OR1L8: variants seen among roughly 807,000 people sequenced by gnomAD.
The protein encoded by OR1L8 is olfactory receptor 1L8.
For synonymous variants in OR1L8, 148 were observed against 147.0 expected, an observed-to-expected ratio of 1.01 and a Z score of -0.05; for missense variants, 330 against 377.4, an observed-to-expected ratio of 0.87 and a Z score of 1.04.
the OR1L8 span, among the ~76,000 whole-genome samples, chr9:122,550,473 G>T: frequency 1.3e-5 from 2 of 151,810 alleles, no homozygotes; most frequent in Non-Finnish European, 2.9e-5. Flanking sequence ...AATATTTGTG[G>T]TGACAATAGA....
chr9:122,580,398 T>C (rs1388008327), intron 1 of OR1L8, among the ~76,000 whole-genome samples: 1 of 152,176 alleles, frequency 6.6e-6, no homozygotes, highest in Admixed American at 6.5e-5. Context: ...GTGCCAATGA[T>C]CATTTACAAA....
chr9:122,583,205 A>G (rs979566074), intron 1 of OR1L8, 116 bp downstream of exon 1: 1 of 152,090 alleles, frequency 6.6e-6, no homozygotes, highest in African/African-American at 2.4e-5. Context: ...CTGATTTTGC[A>G]AAACAATCAG....
downstream of OR1L8, among the ~76,000 whole-genome samples, chr9:122,566,853 G>A (rs932304031): frequency 1.3e-5 from 2 of 152,088 alleles, no homozygotes; most frequent in Admixed American, 1.3e-4. Flanking sequence ...CAGAAGAAAT[G>A]TTTCAACCTC....
chr9:122,558,084 T>C, the OR1L8 span, among the ~76,000 whole-genome samples: 12 of 152,004 alleles, frequency 7.9e-5, no homozygotes, highest in African/African-American at 2.4e-4. Context: ...TAGTAACTTG[T>C]GTCTTCTTTC....
At chr9:122,580,036 C>G (rs1473353556) in intron 1 of OR1L8, among the ~76,000 whole-genome samples, 1 of 152,156 alleles carries the variant, frequency 6.6e-6, no homozygotes, top group East Asian at 1.9e-4. Flanking sequence ...TATCAGGAAT[C>G]AGCATCAAAA....
At chr9:122,573,234 A>G (rs1479995600) in intron 3 of OR1L8, among the ~76,000 whole-genome samples, 1 of 152,230 alleles carries the variant, frequency 6.6e-6, no homozygotes, top group African/African-American at 2.4e-5. Context: ...CAGAATGGAA[A>G]TAACAGTTAA....
At chr9:122,569,303 A>G (rs754279437) in intron 4 of OR1L8, among the ~76,000 whole-genome samples, 1 of 152,086 alleles carries the variant, frequency 6.6e-6, no homozygotes, top group Non-Finnish European at 1.5e-5. Context: ...TTAAGTGTTA[A>G]ATCTGTTTTT....
At chr9:122,572,362 G>A (rs1829568837) in intron 4 of OR1L8, among the ~76,000 whole-genome samples, 2 of 152,188 alleles carry the variant, frequency 1.3e-5, no homozygotes, top group Non-Finnish European at 2.9e-5. Context: ...TCATGAAAAG[G>A]CTGCCTTGGG....
chr9:122,554,037 A>G, the OR1L8 span: 1 of 1,613,840 alleles, frequency 6.2e-7, no homozygotes, highest in Non-Finnish European at 8.5e-7. Context: ...GAGGGAAAGT[A>G]GGGCTGCTGT....
chr9:122,572,508 T>G (rs17193986), intron 4 of OR1L8, among the ~76,000 whole-genome samples: 7,522 of 152,076 alleles, frequency 0.049, 296 homozygotes, highest in South Asian at 0.17. Flanking sequence ...GGGAGAATAG[T>G]TCTAAAGTAC....
the OR1L8 span, among the ~76,000 whole-genome samples, chr9:122,549,934 A>G: frequency 6.6e-6 from 1 of 152,114 alleles, no homozygotes; most frequent in Non-Finnish European, 1.5e-5. Context: ...CATTGAATCT[A>G]TAGATTGCTT....
the OR1L8 span, among the ~76,000 whole-genome samples, chr9:122,550,014 T>G: frequency 6.6e-6 from 1 of 152,152 alleles, no homozygotes; most frequent in Admixed American, 6.6e-5. Flanking sequence ...TTCCATTTAT[T>G]CGTGTCATCT....
intron 3 of OR1L8, among the ~76,000 whole-genome samples, chr9:122,574,669 T>C (rs1200520863): frequency 6.6e-6 from 1 of 152,152 alleles, no homozygotes; most frequent in Non-Finnish European, 1.5e-5. Context: ...TTCAAATCTG[T>C]ATATCTTTTA....
At chr9:122,551,960 G>C in the OR1L8 span, among the ~76,000 whole-genome samples, 2 of 149,974 alleles carry the variant, frequency 1.3e-5, no homozygotes, top group African/African-American at 4.9e-5. Flanking sequence ...ATCCAAGGAA[G>C]AGAATTGGAG....
At chr9:122,565,061 G>T (rs578002855), downstream of OR1L8, among the ~76,000 whole-genome samples, 1 of 152,282 alleles carries the variant, frequency 6.6e-6, no homozygotes, top group Non-Finnish European at 1.5e-5. Context: ...AATTTATAGG[G>T]TCCAGTGGTG....
chr9:122,554,489 A>G, the OR1L8 span, among the ~76,000 whole-genome samples: 1 of 152,186 alleles, frequency 6.6e-6, no homozygotes, highest in Non-Finnish European at 1.5e-5. Context: ...ATTCTACCCC[A>G]GCAAGGCAGG....
intron 3 of OR1L8, among the ~76,000 whole-genome samples, chr9:122,574,069 T>C (rs889521895): frequency 1.3e-5 from 2 of 152,208 alleles, no homozygotes; most frequent in Non-Finnish European, 2.9e-5. Flanking sequence ...TTCTGTACCA[T>C]TGATCTATTT....
rs1021845066 is a variant in OR1L8 at position 122,568,043 on chromosome 9, C to A, written c.435G>T (p.Leu145=). The change falls in exon 5 of 5, where the codon CTG becomes CTT. Residue 145 remains leucine, a synonymous_variant. Coordinates refer to ENST00000641027, the MANE Select transcript of OR1L8 (RefSeq NM_001004454.2). ...GAGGAAATGAGCAGGAGAAGGCCAC[C>A]AGCAGGACACAGTGGTGGTGGCTCA... ...TTMSHHHCVL[L]VAFSCSFPHL... The A allele has an allele frequency of 2.5e-6, 4 of 1,613,902 alleles. No homozygotes were observed. In the African/African-American group the frequency reaches 5.3e-5, roughly 22 times the overall value.
chr9:122,553,973 CTATGGGTCTCT>C, the OR1L8 span: 70 of 1,613,750 alleles, frequency 4.3e-5, no homozygotes, highest in Non-Finnish European at 5.7e-5. Context: ...TTCTGCTCTT[CTATGGGTCTCT>C]TATGGGTGTG....
Sources: gnomAD v4.1 joint callset for allele counts (sites outside exome capture counted in the v4.1 genomes callset) on GRCh38, gnomAD v4.1.1 for gene constraint, MANE v1.5 for transcripts, NCBI Gene and HGNC (gene_info 2026-07-23, HGNC 2026-07-21) for gene names.